The following CPA6 variants were observed in gnomAD, a reference collection of about 807,000 sequenced individuals.
The protein encoded by CPA6 is carboxypeptidase A6.
Under a neutral mutation model 63.3 loss-of-function variants are expected in CPA6, and 58 were observed. That is an observed-to-expected ratio of 0.92 (90% CI 0.74 to 1.14). The LOEUF is 1.14. Ranked by LOEUF, CPA6 falls within the 50% of genes most tolerant of loss-of-function variation. The probability of loss-of-function intolerance (pLI) is 0.00; values close to 1 mark genes in which losing one functional copy is unlikely to be tolerated. For synonymous variants in CPA6, 185 were observed against 179.0 expected (o/e 1.03, Z -0.27); for missense variants, 565 against 526.6 (o/e 1.07, Z -0.71).
At chr8:67,535,271 G>A (rs754460111) in intron 2 of CPA6, among the ~76,000 whole-genome samples, 1 of 152,130 alleles carries the variant, frequency 6.6e-6, no homozygotes, top group African/African-American at 2.4e-5. Flanking sequence ...AGATCCTTGA[G>A]GAATCACCAC....
At chr8:67,535,718 C>T (rs2128969735) in intron 2 of CPA6, among the ~76,000 whole-genome samples, 1 of 152,278 alleles carries the variant, frequency 6.6e-6, no homozygotes, top group South Asian at 2.1e-4. Context: ...AATTAGATCC[C>T]ATTTGTCAAT....
chr8:67,667,101 T>C (rs1256307446), intron 1 of CPA6, among the ~76,000 whole-genome samples: 1 of 149,882 alleles, frequency 6.7e-6, no homozygotes, highest in African/African-American at 2.5e-5. Context: ...AAACCTATCA[T>C]CTGGCATCTA....
chr8:67,713,199 C>A (rs1397863792), intron 1 of CPA6, among the ~76,000 whole-genome samples: 1 of 144,604 alleles, frequency 6.9e-6, no homozygotes, highest in Admixed American at 7.2e-5. Flanking sequence ...TGGAACATAT[C>A]CCCCGTGAAC....
intron 1 of CPA6, among the ~76,000 whole-genome samples, chr8:67,738,049 C>G (rs1390266730): frequency 6.6e-6 from 1 of 152,064 alleles, no homozygotes; most frequent in Admixed American, 6.5e-5. Context: ...TTTTAATTAG[C>G]TGGAAGTCCA....
chr8:67,622,750 C>T (rs2162146), intron 2 of CPA6, among the ~76,000 whole-genome samples: 38,643 of 152,082 alleles, frequency 0.25, 5,117 homozygotes, highest in African/African-American at 0.32. Context: ...CCTAACACTC[C>T]TTCAGGTAGG....
rs73262613 is a variant in CPA6 at position 67,451,341 on chromosome 8, C to T, written c.839-17101G>A. Among the ~76,000 whole-genome samples the T allele has an allele frequency of 5.4e-3, 827 of 152,286 alleles. 8 individuals are homozygous for T. Among genetic ancestry groups the T allele is most frequent in the African/African-American group, 0.019 (801 of 41,558 alleles). On this transcript the variant is annotated intron_variant, in intron 8 of 10. Coordinates refer to ENST00000297770, the MANE Select transcript of CPA6 (RefSeq NM_020361.5). ...ATTAGATTCTCATAGGAGTGCGAAC[C>T]TTATTGTGAACTGCGCATGCAGGGG...
intron 1 of CPA6, among the ~76,000 whole-genome samples, chr8:67,625,870 T>C (rs1268723553): frequency 6.6e-6 from 1 of 152,188 alleles, no homozygotes; most frequent in South Asian, 2.1e-4. Context: ...TAGATGATGA[T>C]ATGATTTGGA....
At chr8:67,697,519 T>C (rs1382607133) in intron 1 of CPA6, among the ~76,000 whole-genome samples, 1 of 152,198 alleles carries the variant, frequency 6.6e-6, no homozygotes, top group East Asian at 1.9e-4. Flanking sequence ...GTGTATTAAA[T>C]GAAATATATG....
At chr8:67,557,201 A>G (rs1314602507) in intron 2 of CPA6, among the ~76,000 whole-genome samples, 1 of 152,150 alleles carries the variant, frequency 6.6e-6, no homozygotes. Context: ...TAATTGTACC[A>G]CATGTAATCA....
intron 6 of CPA6, among the ~76,000 whole-genome samples, chr8:67,488,054 T>G (rs1048160609): frequency 3.3e-5 from 5 of 152,212 alleles, no homozygotes; most frequent in Non-Finnish European, 5.9e-5. Flanking sequence ...CCCTTTAGTT[T>G]AATTAGATCC....
intron 2 of CPA6, among the ~76,000 whole-genome samples, chr8:67,522,313 G>A (rs1812275557): frequency 6.6e-6 from 1 of 152,038 alleles, no homozygotes; most frequent in South Asian, 2.1e-4. Context: ...GGTCCCCTCT[G>A]GTGTTTAGAG....
intron 1 of CPA6, among the ~76,000 whole-genome samples, chr8:67,649,604 A>G (rs1815791275): frequency 6.6e-6 from 1 of 152,208 alleles, no homozygotes; most frequent in Admixed American, 6.5e-5. Flanking sequence ...TTATTTGTAT[A>G]TACACAAGAG....
At chr8:67,678,492 G>A (rs1816526493) in intron 1 of CPA6, among the ~76,000 whole-genome samples, 1 of 152,090 alleles carries the variant, frequency 6.6e-6, no homozygotes, top group African/African-American at 2.4e-5. Context: ...CATGAAAAGA[G>A]ATAACAAAAT....
chr8:67,587,518 C>T (rs913891864), intron 2 of CPA6, among the ~76,000 whole-genome samples: 13 of 150,996 alleles, frequency 8.6e-5, no homozygotes, highest in African/African-American at 2.9e-4. Context: ...TTTTTTTGGA[C>T]GATTGATGTG....
chr8:67,573,891 CAAAAA>C (rs34145304), intron 2 of CPA6, among the ~76,000 whole-genome samples: 5 of 33,492 alleles, frequency 1.5e-4, no homozygotes, highest in African/African-American at 2.3e-4. Context: ...GACTCCGTCT[CAAAAA>C]AAAAAAAAAA....
intron 2 of CPA6, among the ~76,000 whole-genome samples, chr8:67,535,797 TG>T (rs1812572343): frequency 6.6e-6 from 1 of 152,222 alleles, no homozygotes; most frequent in South Asian, 2.1e-4. Context: ...ATGTCCTGAA[TG>T]GTATTGCCTA....
chr8:67,696,704 A>G (rs967713097), intron 1 of CPA6, among the ~76,000 whole-genome samples: 10 of 152,268 alleles, frequency 6.6e-5, no homozygotes, highest in African/African-American at 2.2e-4. Context: ...ACAAGCTACA[A>G]ATATATGAAC....
chr8:67,664,599 C>G (rs1192398463), intron 1 of CPA6, among the ~76,000 whole-genome samples: 1 of 152,094 alleles, frequency 6.6e-6, no homozygotes, highest in African/African-American at 2.4e-5. Flanking sequence ...CTGCCCCCTG[C>G]CTTTTTTTTC....
intron 1 of CPA6, among the ~76,000 whole-genome samples, chr8:67,671,919 C>G (rs963423110): frequency 2.6e-5 from 4 of 152,132 alleles, no homozygotes; most frequent in African/African-American, 9.7e-5. Flanking sequence ...CAACCTCTGT[C>G]TCCCAGGTTC....
Sources: allele counts gnomAD v4.1 joint callset (sites outside exome capture counted in the v4.1 genomes callset), GRCh38; gene constraint gnomAD v4.1.1; transcripts MANE v1.5; gene names NCBI Gene and HGNC (gene_info 2026-07-23, HGNC 2026-07-21).